CIROP: variants seen among roughly 807,000 people sequenced by gnomAD.
CIROP encodes ciliated left-right organizer metallopeptidase.
the CIROP span, chr14:23,100,658 A>G: frequency 2.5e-6 from 1 of 399,206 alleles, no homozygotes. Context: ...GCTAGTGGTA[A>G]TTGATGGGCC....
At chr14:23,102,111 C>T in the CIROP span, 4 of 702,954 alleles carry the variant, frequency 5.7e-6, no homozygotes, top group African/African-American at 5.2e-5. Flanking sequence ...ACAACAGCTC[C>T]TCTGCAGCGC....
the CIROP span, chr14:23,101,258 A>G: frequency 2.2e-6 from 1 of 451,034 alleles, no homozygotes; most frequent in Non-Finnish European, 3.9e-6. Flanking sequence ...TCTTTTTGCC[A>G]GTATGCTGCA....
At chr14:23,102,982 CAA>C in the CIROP span, 1 of 584,386 alleles carries the variant, frequency 1.7e-6, no homozygotes, top group African/African-American at 1.9e-5. Flanking sequence ...GCACAGTAGA[CAA>C]TGGTACCAGC....
the CIROP span, chr14:23,099,817 C>G: frequency 0.19 from 37,755 of 193,888 alleles, 3,788 homozygotes; most frequent in South Asian, 0.25. Flanking sequence ...GAGGGACTAT[C>G]GAACCTTAAA....
At chr14:23,100,369 C>T in the CIROP span, 6 of 411,572 alleles carry the variant, frequency 1.5e-5, no homozygotes, top group Non-Finnish European at 2.2e-5. Context: ...ACTGGATGAT[C>T]GTGTTAGGGA....
chr14:23,099,454 G>A, the CIROP span: 3 of 413,348 alleles, frequency 7.3e-6, no homozygotes, highest in Admixed American at 4.4e-5. Context: ...CCTTAGGTGG[G>A]TCATGGAGGG....
the CIROP span, chr14:23,103,581 A>ACAAAACAAAG: frequency 1.6e-6 from 1 of 625,412 alleles, no homozygotes; most frequent in South Asian, 1.8e-5. Context: ...ACAAAACAAA[A>ACAAAACAAAG]CAAAACAAAA....
chr14:23,103,780 C>T, the CIROP span: 115 of 702,756 alleles, frequency 1.6e-4, no homozygotes, highest in African/African-American at 3.1e-4. Flanking sequence ...GACCCTGCTC[C>T]GGCCACAAGG....
chr14:23,104,094 C>T, the CIROP span: 2 of 588,062 alleles, frequency 3.4e-6, no homozygotes, highest in South Asian at 4.3e-5. Flanking sequence ...ATCCCTGAGA[C>T]TGAGAGGTGA....
the CIROP span, chr14:23,102,812 GA>G: frequency 1.5e-6 from 1 of 681,068 alleles, no homozygotes; most frequent in Non-Finnish European, 2.7e-6. Flanking sequence ...CCTAGAGTTT[GA>G]GGCACCTTCT....
the CIROP span, chr14:23,103,787 A>G: frequency 7.1e-6 from 5 of 702,868 alleles, no homozygotes; most frequent in Non-Finnish European, 1.3e-5. Flanking sequence ...CTCCGGCCAC[A>G]AGGCATAACC....
the CIROP span, chr14:23,102,824 A>G: frequency 3.0e-6 from 2 of 664,254 alleles, no homozygotes; most frequent in Non-Finnish European, 5.5e-6. Flanking sequence ...GGCACCTTCT[A>G]TTCCATCCTC....
the CIROP span, chr14:23,102,363 C>T: frequency 1.4e-6 from 1 of 702,444 alleles, no homozygotes; most frequent in Non-Finnish European, 2.6e-6. Context: ...CAAGGGAACA[C>T]CCAGGGAAGC....
chr14:23,099,607 T>C, the CIROP span: 1 of 387,984 alleles, frequency 2.6e-6, no homozygotes, highest in Non-Finnish European at 4.6e-6. Context: ...TTGCCCAGGC[T>C]GGAGTGCAGT....
the CIROP span, chr14:23,104,181 T>C: frequency 3.3e-6 from 2 of 603,358 alleles, no homozygotes; most frequent in Non-Finnish European, 5.9e-6. Context: ...TTACTATCTC[T>C]CTGCGTATCC....
chr14:23,104,541 C>T, the CIROP span: 3 of 702,330 alleles, frequency 4.3e-6, no homozygotes, highest in South Asian at 3.0e-5. Context: ...GGCTGATCTT[C>T]CTCCCCTGGA....
chr14:23,102,002 A>C, the CIROP span: 1 of 701,022 alleles, frequency 1.4e-6, no homozygotes, highest in Non-Finnish European at 2.6e-6. Context: ...TCGATTATAC[A>C]TCAGCAACAG....
At chr14:23,102,355 AG>A in the CIROP span, 1 of 702,080 alleles carries the variant, frequency 1.4e-6, no homozygotes, top group African/African-American at 1.7e-5. Context: ...TCTTCTTCCA[AG>A]GGAACACCCA....
At chr14:23,099,499 T>C in the CIROP span, 3 of 412,104 alleles carry the variant, frequency 7.3e-6, no homozygotes, top group Non-Finnish European at 1.3e-5. Flanking sequence ...CCTAGGAACA[T>C]AGAAGGTAAT....
Sources: gnomAD v4.1 joint callset for allele counts on GRCh38, gnomAD v4.1.1 for gene constraint, MANE v1.5 for transcripts, NCBI Gene and HGNC (gene_info 2026-07-23, HGNC 2026-07-21) for gene names.